Variants in SPAG16 observed in about 807,000 individuals in gnomAD.
SPAG16 encodes the protein sperm associated antigen 16, also known as sperm-associated antigen 16 protein.
In SPAG16, 86 loss-of-function variants were observed where a neutral mutation model predicts 80.4. That is an observed-to-expected ratio of 1.07 (90% CI 0.90 to 1.28). SPAG16 has a LOEUF of 1.28. Among genes scored for constraint, SPAG16 ranks in the 50% most tolerant of loss-of-function variants. The probability of loss-of-function intolerance (pLI) is 0.00; values close to 1 mark genes in which losing one functional copy is unlikely to be tolerated. For missense variants in SPAG16, 870 were observed against 765.3 expected, an observed-to-expected ratio of 1.14 and a Z score of -1.61; for synonymous variants, 294 against 265.9, an observed-to-expected ratio of 1.11 and a Z score of -1.03.
chr2:213,388,860 A>G (rs770653967), intron 9 of SPAG16, among the ~76,000 whole-genome samples: 10 of 152,214 alleles, frequency 6.6e-5, no homozygotes, highest in Admixed American at 1.3e-4. Context: ...AACATATCCT[A>G]TGTTCACAAT....
At chr2:213,339,562 T>C (rs1490161974) in intron 5 of SPAG16, among the ~76,000 whole-genome samples, 2 of 152,192 alleles carry the variant, frequency 1.3e-5, no homozygotes, top group South Asian at 2.1e-4. Flanking sequence ...ATATATCAAG[T>C]TGAAAAATTT....
intron 15 of SPAG16, among the ~76,000 whole-genome samples, chr2:214,166,827 T>C (rs1202973847): frequency 6.6e-6 from 1 of 152,014 alleles, no homozygotes. Flanking sequence ...TTTTCAATAT[T>C]AAGAAAATCA....
intron 5 of SPAG16, among the ~76,000 whole-genome samples, chr2:213,324,878 T>G (rs180850831): frequency 1.9e-3 from 283 of 152,264 alleles, no homozygotes; most frequent in African/African-American, 6.1e-3. Context: ...GAATTCCAGT[T>G]GCTCCAAACA....
chr2:214,072,588 G>A (rs1030525529), intron 13 of SPAG16, among the ~76,000 whole-genome samples: 1 of 152,048 alleles, frequency 6.6e-6, no homozygotes, highest in Non-Finnish European at 1.5e-5. Flanking sequence ...GAATAAAATT[G>A]GCATAGATTT....
chr2:213,325,334 C>A (rs566174779), intron 5 of SPAG16, among the ~76,000 whole-genome samples: 1 of 151,962 alleles, frequency 6.6e-6, no homozygotes, highest in East Asian at 1.9e-4. Context: ...TCTTCTAAAA[C>A]GCTTAAAATA....
At chr2:213,325,012 C>T (rs542637207) in intron 5 of SPAG16, among the ~76,000 whole-genome samples, 1 of 151,776 alleles carries the variant, frequency 6.6e-6, no homozygotes, top group South Asian at 2.1e-4. Flanking sequence ...ATTTTTTTTG[C>T]TTTTTGACCA....
chr2:214,233,054 G>A (rs1688809974), intron 15 of SPAG16, among the ~76,000 whole-genome samples: 1 of 151,900 alleles, frequency 6.6e-6, no homozygotes, highest in Non-Finnish European at 1.5e-5. Context: ...TTTATAAAGA[G>A]TTCAAAATCA....
At chr2:213,928,176 TC>T (rs2078576905) in intron 11 of SPAG16, among the ~76,000 whole-genome samples, 1 of 151,746 alleles carries the variant, frequency 6.6e-6, no homozygotes, top group African/African-American at 2.4e-5. Context: ...ACCTCTGCCT[TC>T]CGGGTTCAAG....
At chr2:213,741,061 C>T (rs1003700026) in intron 10 of SPAG16, among the ~76,000 whole-genome samples, 1 of 151,824 alleles carries the variant, frequency 6.6e-6, no homozygotes, top group Non-Finnish European at 1.5e-5. Flanking sequence ...AATTTAACGC[C>T]TCATAACTTT....
At chr2:213,826,559 T>C (rs1816209) in intron 10 of SPAG16, among the ~76,000 whole-genome samples, 140,328 of 151,926 alleles carry the variant, frequency 0.92, 65,843 homozygotes, top group East Asian at 1. Flanking sequence ...TCCAATATTC[T>C]TCTTGTTATT....
At chr2:213,835,834 A>G (rs1216715547) in intron 10 of SPAG16, among the ~76,000 whole-genome samples, 2 of 152,164 alleles carry the variant, frequency 1.3e-5, no homozygotes, top group Non-Finnish European at 2.9e-5. Context: ...CTTTATTTTA[A>G]TATCAAAAGG....
At chr2:213,797,039 AAAAATT>A (rs1219887781) in intron 10 of SPAG16, among the ~76,000 whole-genome samples, 1 of 99,838 alleles carries the variant, frequency 1.0e-5, no homozygotes, top group East Asian at 3.1e-4. Context: ...TTTTTAACAA[AAAAATT>A]AAAATTAAAA....
At chr2:214,265,208 T>C (rs552921355) in intron 15 of SPAG16, among the ~76,000 whole-genome samples, 1 of 152,294 alleles carries the variant, frequency 6.6e-6, no homozygotes, top group African/African-American at 2.4e-5. Context: ...TGTACAAATT[T>C]GTATTCTCAC....
Position 213,952,176 on chromosome 2 carries a change from A to G in SPAG16, c.1400+22031A>G, listed in dbSNP as rs919672412. 5.3e-5 allele frequency among the ~76,000 whole-genome samples: 8 copies of G among 152,248 alleles called. 1 individual carries two copies. The highest frequency in any genetic ancestry group is 4.1e-4 in the South Asian group (2 of 4,832). Reference sequence around the variant, plus strand: ...GAAACCTAAATATGAGAAGAATACAAAAATGCATCGAAAACAAATGAAGAG... The same window carrying G: ...GAAACCTAAATATGAGAAGAATACAGAAATGCATCGAAAACAAATGAAGAG... On this transcript the variant is annotated intron_variant, in intron 12 of 15. Transcript: ENST00000331683.
chr2:213,821,084 A>G (rs1281190900), intron 10 of SPAG16, among the ~76,000 whole-genome samples: 3 of 151,744 alleles, frequency 2.0e-5, no homozygotes, highest in African/African-American at 7.3e-5. Context: ...TCTGCCGGCT[A>G]TTTTCTTTTC....
intron 10 of SPAG16, among the ~76,000 whole-genome samples, chr2:213,574,865 A>G (rs375837731): frequency 6.6e-6 from 1 of 152,036 alleles, no homozygotes; most frequent in South Asian, 2.1e-4. Flanking sequence ...TAAATTGTTT[A>G]TATATTATAC....
chr2:214,129,569 C>T (rs2054659487), intron 14 of SPAG16, among the ~76,000 whole-genome samples: 1 of 152,056 alleles, frequency 6.6e-6, no homozygotes, highest in African/African-American at 2.4e-5. Context: ...ATAATAATAG[C>T]ATTATTTTTA....
intron 13 of SPAG16, among the ~76,000 whole-genome samples, chr2:214,092,281 T>C (rs983833493): frequency 6.6e-6 from 1 of 152,078 alleles, no homozygotes; most frequent in African/African-American, 2.4e-5. Context: ...AAATTGCTTT[T>C]CCAAAAGGCT....
chr2:213,969,751 C>T (rs1377066516), intron 12 of SPAG16, among the ~76,000 whole-genome samples: 1 of 151,800 alleles, frequency 6.6e-6, no homozygotes, highest in Non-Finnish European at 1.5e-5. Flanking sequence ...CAGACTAAGA[C>T]AATTTCTAAA....
Sources: gnomAD v4.1 joint callset for allele counts (sites outside exome capture counted in the v4.1 genomes callset) on GRCh38, gnomAD v4.1.1 for gene constraint, MANE v1.5 for transcripts, NCBI Gene and HGNC (gene_info 2026-07-23, HGNC 2026-07-21) for gene names.